The following TMEM67 variants were observed in gnomAD, a reference collection of about 807,000 sequenced individuals.
The protein encoded by TMEM67 is meckelin.
TMEM67 carries 124 observed loss-of-function variants against 136.6 expected under a neutral mutation model. That is an observed-to-expected ratio of 0.91 (90% CI 0.78 to 1.05). TMEM67 has a LOEUF of 1.05. Among genes scored for constraint, TMEM67 ranks in the 50% least tolerant of loss-of-function variants. The pLI is 0.00. For missense variants in TMEM67, 1,107 were observed against 1,178.4 expected (o/e 0.94, Z 0.89); for synonymous variants, 364 against 390.5 (o/e 0.93, Z 0.80).
At chr8:93,765,384 T>C in intron 4 of TMEM67, 22 bp from the exon 5 acceptor site, 1 of 1,592,506 alleles carries the variant, frequency 6.3e-7, no homozygotes, top group Non-Finnish European at 8.6e-7. Flanking sequence ...ATTTTTAAAA[T>C]TATTTTTGTT....
intron 23 of TMEM67, among the ~76,000 whole-genome samples, chr8:93,807,003 C>T (rs970696872): frequency 1.3e-5 from 2 of 152,018 alleles, no homozygotes; most frequent in Non-Finnish European, 2.9e-5. Flanking sequence ...ATTAAAATCT[C>T]AATGGAAAAA....
intron 6 of TMEM67, among the ~76,000 whole-genome samples, chr8:93,767,145 T>C (rs1295632493): frequency 1.3e-5 from 2 of 152,196 alleles, no homozygotes; most frequent in Non-Finnish European, 2.9e-5. Flanking sequence ...CTTTCATGAA[T>C]GCAACAGTTT....
At chr8:93,756,687 G>A (rs1812586256) in intron 2 of TMEM67, 1 of 151,970 alleles carries the variant, frequency 6.6e-6, no homozygotes, top group African/African-American at 2.4e-5. Flanking sequence ...ATTGATCCTA[G>A]CTGAATTACC....
At chr8:93,762,911 T>G (rs1041355471) in intron 3 of TMEM67, 1 of 434,374 alleles carries the variant, frequency 2.3e-6, no homozygotes, top group Non-Finnish European at 4.6e-6. Flanking sequence ...CTCTGTTAGA[T>G]TTACCTGATT....
At chr8:93,826,158 G>C in the TMEM67 span, among the ~76,000 whole-genome samples, 1 of 111,002 alleles carries the variant, frequency 9.0e-6, no homozygotes, top group Non-Finnish European at 1.8e-5. Flanking sequence ...TTTTGAGTCG[G>C]AGTCTCTTTC....
chr8:93,797,462 T>G lies in TMEM67; in HGVS notation c.2092T>G (p.Phe698Val), dbSNP rs1427305461. The G allele has an allele frequency of 6.2e-7, 1 of 1,613,440 alleles. No homozygotes were observed. The highest frequency in any genetic ancestry group is 8.5e-7 in the Non-Finnish European group (1 of 1,179,582). Residue 698 changes from phenylalanine to valine, a missense_variant, in exon 20 of 28, where the codon TTT (phenylalanine) becomes GTT (valine). Coordinates refer to ENST00000453321, the MANE Select transcript of TMEM67 (RefSeq NM_153704.6). ...CTTTCAAGTACTTACTGTCCTCTTC[T>G]TTTTGGAGGTATAAACTGTTTGATG... ...SLFQVLTVLFFLEVVGFKNLA... is the reference protein window; with the variant it reads ...SLFQVLTVLFVLEVVGFKNLA...
At position 93,809,767 on chromosome 8, in the gene TMEM67, T is replaced by C. The variant is rs1315940414; in HGVS notation, c.2662-18T>C. On this transcript the variant is annotated intron_variant, in intron 25 of 27. Coordinates refer to ENST00000453321, the MANE Select transcript of TMEM67 (RefSeq NM_153704.6). ...TTCACTACTGTTTGTGAAATGATGC[T>C]GTCTTTTTCTTTATTAGGTTCATAA... The C allele has an allele frequency of 7.3e-7, 1 of 1,369,806 alleles. No individual in the cohort carries two copies. Among genetic ancestry groups the C allele is most frequent in the Non-Finnish European group, 1.0e-6 (1 of 959,166 alleles). The allele number at this position is 1,369,806 out of a possible 1,614,324, so 84.9% of individuals were successfully genotyped here. A position where few individuals can be genotyped will look rare whatever the true frequency, so the allele number is the denominator to read the frequency against.
intron 26 of TMEM67, among the ~76,000 whole-genome samples, chr8:93,811,725 A>G (rs1808708235): frequency 1.3e-5 from 2 of 152,134 alleles, no homozygotes; most frequent in Non-Finnish European, 2.9e-5. Flanking sequence ...TTGCATGCTC[A>G]ACATCTTATT....
chr8:93,771,681 A>T (rs1054999792), intron 6 of TMEM67, among the ~76,000 whole-genome samples: 3 of 152,068 alleles, frequency 2.0e-5, no homozygotes, highest in Admixed American at 6.5e-5. Context: ...TTATAAAAGT[A>T]TCATGTAACT....
intron 6 of TMEM67, among the ~76,000 whole-genome samples, chr8:93,766,695 TAA>T (rs1172366385): frequency 6.6e-6 from 1 of 152,036 alleles, no homozygotes; most frequent in African/African-American, 2.4e-5. Flanking sequence ...TTATTGAATA[TAA>T]GAGTGATTAA....
chr8:93,808,291 T>C (rs1361088779), intron 23 of TMEM67, among the ~76,000 whole-genome samples: 1 of 143,132 alleles, frequency 7.0e-6, no homozygotes, highest in East Asian at 2.0e-4. Flanking sequence ...CTATTATGGA[T>C]TATATATATT....
chr8:93,765,758 G>A, intron 6 of TMEM67, 112 bp downstream of exon 6: 2 of 762,366 alleles, frequency 2.6e-6, no homozygotes, highest in Admixed American at 4.2e-5. Flanking sequence ...TTTTAAAACA[G>A]AAAAAAATCA....
At position 93,808,889 on chromosome 8, in the gene TMEM67, C is replaced by G. The variant is rs1362459028; in HGVS notation, c.2489C>G (p.Thr830Ser). 1 of 1,612,912 alleles carries G rather than the reference C, an allele frequency of 6.2e-7. No homozygotes were observed. The highest frequency in any genetic ancestry group is 8.5e-7 in the Non-Finnish European group (1 of 1,179,328). The part of the protein sequence containing the change: ...RGLVPNTDGQ[T>S]FEIAISNQMR... The stretch of plus-strand genomic sequence containing the variant: ...TTGGTACCCAACACAGATGGTCAGA[C>G]TTTTGAGATTGCAATTTCTAACCAG... Residue 830 changes from threonine to serine, a missense_variant, in exon 24 of 28, where the codon ACT becomes AGT. Around this residue, in one of 3 missense-constraint regions of TMEM67, gnomAD observed 925 missense variants for 1,002.4 expected, o/e 0.92. Coordinates refer to ENST00000453321, the MANE Select transcript of TMEM67 (RefSeq NM_153704.6).
chr8:93,816,391 A>G lies in TMEM67; in HGVS notation c.2927A>G (p.Asn976Ser). 1 of 1,576,936 alleles carries G rather than the reference A, an allele frequency of 6.3e-7. No individual in the cohort carries two copies. ...LQQEIFRYIR[N>S]TVGQKNLASK... is the part of the protein sequence containing the mutation. ...TTCCAGATTTTTAGATATATCCGTAATACAGTAGGACAAAAGAATTTGGCA... is the reference window on the plus strand; with the variant it reads ...TTCCAGATTTTTAGATATATCCGTAGTACAGTAGGACAAAAGAATTTGGCA... Residue 976 changes from asparagine to serine, a missense_variant, in exon 28 of 28, where the codon AAT (asparagine) becomes AGT (serine). Around this residue, in one of 3 missense-constraint regions of TMEM67, gnomAD observed 925 missense variants for 1,002.4 expected, o/e 0.92. Coordinates refer to ENST00000453321, the MANE Select transcript of TMEM67 (RefSeq NM_153704.6).
chr8:93,818,626 T>C (rs1166643363), downstream of TMEM67, among the ~76,000 whole-genome samples: 1 of 152,216 alleles, frequency 6.6e-6, no homozygotes, highest in Non-Finnish European at 1.5e-5. Context: ...TGGAAAGTGC[T>C]CCAAATTTAG....
chr8:93,769,791 A>C (rs1462955827), intron 6 of TMEM67, among the ~76,000 whole-genome samples: 1 of 152,210 alleles, frequency 6.6e-6, no homozygotes, highest in Admixed American at 6.5e-5. Context: ...CATGTTTATT[A>C]GTTTATGTTG....
chr8:93,805,043 G>T (rs1815076428), intron 23 of TMEM67, among the ~76,000 whole-genome samples, 165 bp downstream of exon 23: 1 of 151,998 alleles, frequency 6.6e-6, no homozygotes, highest in African/African-American at 2.4e-5. Flanking sequence ...CGCAATCTCG[G>T]CTCACTGCAG....
At chr8:93,793,359 A>G in intron 16 of TMEM67, 63 bp downstream of exon 16, 1 of 1,329,764 alleles carries the variant, frequency 7.5e-7, no homozygotes, top group South Asian at 1.2e-5. Flanking sequence ...TCCTTCTCAT[A>G]AGACACAGCT....
At chr8:93,809,975 T>TC (rs1394234959) in intron 26 of TMEM67, 88 bp downstream of exon 26, 8 of 753,868 alleles carry the variant, frequency 1.1e-5, no homozygotes, top group Non-Finnish European at 1.7e-5. Context: ...TTTTTTCTTT[T>TC]TTTTTTTTTT....
Sources: allele counts gnomAD v4.1 joint callset (sites outside exome capture counted in the v4.1 genomes callset), GRCh38; gene constraint gnomAD v4.1.1; regional missense constraint gnomAD v4.1.1; transcripts MANE v1.5; gene names NCBI Gene and HGNC (gene_info 2026-07-23, HGNC 2026-07-21).